The following ZC4H2 variants were observed in gnomAD, a reference collection of about 807,000 sequenced individuals.
The protein encoded by ZC4H2 is zinc finger C4H2 domain-containing protein.
For missense variants in ZC4H2, 137 were observed against 173.9 expected (o/e 0.79, Z 1.19); for synonymous variants, 84 against 66.3 (o/e 1.27, Z -1.30).
chrX:64,921,984 T>C lies in ZC4H2; in HGVS notation c.58A>G (p.Lys20Glu). ...TTGATCTTCTCCATCTGCAGGGTCTTGTTCCTGCAATTTGCAAAAAGCAGG... is the reference window on the plus strand; with the variant it reads ...TTGATCTTCTCCATCTGCAGGGTCTCGTTCCTGCAATTTGCAAAAAGCAGG... ...KLESIKEIRN[K>E]TLQMEKIKAR... The change falls in exon 2 of 5, where the codon AAG becomes GAG. Residue 20 changes from lysine to glutamate, a missense_variant. Physicochemically the swap from Lys to Glu is moderately conservative, Grantham distance 56 (BLOSUM62 1). Coordinates refer to ENST00000374839, the MANE Select transcript of ZC4H2 (RefSeq NM_018684.4). 8.3e-7 allele frequency: 1 copy of C among 1,209,415 alleles called. No individual in the cohort carries two copies. The highest frequency in any genetic ancestry group is 1.1e-6 in the Non-Finnish European group (1 of 894,739).
chrX:64,986,951 G>A (rs373256764), intron 1 of ZC4H2, among the ~76,000 whole-genome samples: 3 of 94,240 alleles, frequency 3.2e-5, no homozygotes, highest in African/African-American at 8.8e-5. Flanking sequence ...TTTATGAGAC[G>A]GAGTCTCACT....
chrX:64,969,528 A>G (rs923791853), intron 1 of ZC4H2, among the ~76,000 whole-genome samples: 3 of 112,050 alleles, frequency 2.7e-5, no homozygotes, highest in Non-Finnish European at 5.6e-5. Flanking sequence ...AGAAGTGGAC[A>G]ATTCCAGATT....
chrX:65,001,229 G>C (rs1019716583), intron 1 of ZC4H2, among the ~76,000 whole-genome samples: 3 of 112,084 alleles, frequency 2.7e-5, no homozygotes, highest in Non-Finnish European at 3.8e-5. Flanking sequence ...CAGACTAACA[G>C]CAGATCTCTC....
At chrX:65,029,680 G>C (rs1932915779) in intron 1 of ZC4H2, among the ~76,000 whole-genome samples, 1 of 111,651 alleles carries the variant, frequency 9.0e-6, no homozygotes, top group African/African-American at 3.3e-5. Context: ...TCTAATAGGA[G>C]ATTTAGTCTA....
intron 1 of ZC4H2, among the ~76,000 whole-genome samples, chrX:65,019,908 G>C (rs747440155): frequency 1.8e-5 from 2 of 111,972 alleles, no homozygotes; most frequent in African/African-American, 6.5e-5. Flanking sequence ...ATCAACAGCT[G>C]AATCGATTAA....
Position 64,983,224 on chromosome X carries a change from C to T in ZC4H2, c.-272+51405G>A, listed in dbSNP as rs182458469. Among the ~76,000 whole-genome samples the T allele has an allele frequency of 7.1e-3, 794 of 111,455 alleles. 7 individuals are homozygous for T. The highest frequency in any genetic ancestry group is 0.024 in the African/African-American group (741 of 30,660). On this transcript the variant is annotated intron_variant, in intron 1 of 4. Transcript: ENST00000337990. ...TCCCCTCTATGGGTTTTGGTCTTCT[C>T]GTATGGAAAATGGAAATGATAGTAA...
chrX:64,933,453 C>T (rs1330108574), intron 1 of ZC4H2, among the ~76,000 whole-genome samples: 4 of 111,581 alleles, frequency 3.6e-5, no homozygotes, highest in African/African-American at 1.3e-4. Context: ...ACCAGAATTA[C>T]TTTCCTGCTT....
intron 1 of ZC4H2, among the ~76,000 whole-genome samples, chrX:64,967,196 G>A (rs1472397797): frequency 1.8e-5 from 2 of 111,605 alleles, no homozygotes; most frequent in African/African-American, 6.5e-5. Flanking sequence ...TGCATTTGAG[G>A]TAGATTGCCT....
At chrX:64,928,890 TTC>T (rs1459229694) in intron 1 of ZC4H2, among the ~76,000 whole-genome samples, 9 of 98,714 alleles carry the variant, frequency 9.1e-5, no homozygotes, top group African/African-American at 3.0e-4. Context: ...CTCTTTCTCC[TTC>T]TTTTTTTTTT....
intron 1 of ZC4H2, among the ~76,000 whole-genome samples, chrX:65,021,325 CA>C (rs1932834836): frequency 9.0e-6 from 1 of 111,058 alleles, no homozygotes; most frequent in African/African-American, 3.3e-5. Context: ...AACAGTTTCC[CA>C]ATCCACAGTA....
rs867096641 is a variant in ZC4H2 at position 64,953,745 on chromosome X, C to T, written c.53+22580G>A. Among the ~76,000 whole-genome samples, 12 of 111,598 alleles carry T rather than the reference C, an allele frequency of 1.1e-4. No homozygotes were observed. The East Asian group carries it at 1.1e-3, about 11-fold the overall frequency. On this transcript the variant is annotated intron_variant, in intron 1 of 4. Transcript: ENST00000374839. ...GGACTGTAAACTAGTTCAACCATTGCAGAAGTCAGTGTGGCGATTCCTCAG... is the reference window on the plus strand; with the variant it reads ...GGACTGTAAACTAGTTCAACCATTGTAGAAGTCAGTGTGGCGATTCCTCAG...
chrX:64,988,196 C>T (rs1478211281), intron 1 of ZC4H2, among the ~76,000 whole-genome samples: 4 of 110,399 alleles, frequency 3.6e-5, no homozygotes, highest in Admixed American at 9.7e-5. Context: ...AATAAACATA[C>T]GTGTGCATGT....
intron 1 of ZC4H2, among the ~76,000 whole-genome samples, chrX:64,966,163 G>C (rs1363740654): frequency 9.0e-6 from 1 of 111,524 alleles, no homozygotes; most frequent in African/African-American, 3.3e-5. Flanking sequence ...CTTCACAGAA[G>C]AGGATATATG....
At chrX:64,918,819 A>T (rs2147346695) in intron 4 of ZC4H2, 1 of 320,906 alleles carries the variant, frequency 3.1e-6, no homozygotes, top group East Asian at 4.8e-5. Context: ...AGGGCCTGAA[A>T]ATCTCCCTGC....
intron 1 of ZC4H2, among the ~76,000 whole-genome samples, chrX:64,953,784 G>T (rs767606142): frequency 9.0e-6 from 1 of 111,463 alleles, no homozygotes; most frequent in African/African-American, 3.3e-5. Context: ...TCTAGAACTA[G>T]AAATACCACT....
At chrX:64,921,133 G>C (rs1929176919) in intron 2 of ZC4H2, among the ~76,000 whole-genome samples, 1 of 112,182 alleles carries the variant, frequency 8.9e-6, no homozygotes, top group Non-Finnish European at 1.9e-5. Context: ...ACAGAAATGA[G>C]TTTTCCAGAA....
chrX:64,960,732 CA>C (rs1931357902), intron 1 of ZC4H2, among the ~76,000 whole-genome samples: 1 of 112,051 alleles, frequency 8.9e-6, no homozygotes, highest in Non-Finnish European at 1.9e-5. Context: ...TACAAATAAG[CA>C]GGAAAAATAT....
intron 1 of ZC4H2, among the ~76,000 whole-genome samples, chrX:64,966,696 A>G (rs776930159): frequency 8.9e-6 from 1 of 112,086 alleles, no homozygotes; most frequent in South Asian, 3.7e-4. Flanking sequence ...CTGAAGGCAG[A>G]CCCAAAAGGC....
chrX:64,965,323 A>C, intron 1 of ZC4H2: 1 of 193,928 alleles, frequency 5.2e-6, no homozygotes, highest in South Asian at 6.7e-5. Context: ...TATTGGCATA[A>C]AGATACACAA....
Sources: allele counts gnomAD v4.1 joint callset (sites outside exome capture counted in the v4.1 genomes callset), GRCh38; gene constraint gnomAD v4.1.1; transcripts MANE v1.5; gene names NCBI Gene and HGNC (gene_info 2026-07-23, HGNC 2026-07-21).